The following ODAD2 variants were observed in gnomAD, a reference collection of about 807,000 sequenced individuals.
ODAD2 encodes the protein outer dynein arm docking complex subunit 2.
A neutral mutation model predicts 106.8 loss-of-function variants in ODAD2; 89 were observed. That is an observed-to-expected ratio of 0.83 (90% confidence interval 0.70 to 0.99). The LOEUF (loss-of-function observed/expected upper bound fraction) is 0.99, where lower values mean the gene tolerates loss of function less well. Ranked by LOEUF, ODAD2 falls within the 50% of genes least tolerant of loss-of-function variation. The pLI, the probability that ODAD2 is intolerant of heterozygous loss-of-function variation, is 0.00. For synonymous variants in ODAD2, 404 were observed against 436.2 expected (o/e 0.93, Z 0.92); for missense variants, 1,168 against 1,238.5 (o/e 0.94, Z 0.85).
intron 10 of ODAD2, chr10:27,958,807 A>C (rs1338681414): frequency 2.4e-6 from 3 of 1,258,550 alleles, no homozygotes; most frequent in African/African-American, 1.6e-5. Flanking sequence ...CCAATGAGGA[A>C]ACTGAAGCTT....
At chr10:27,918,802 C>CA (rs1183978731) in intron 16 of ODAD2, among the ~76,000 whole-genome samples, 27 of 144,728 alleles carry the variant, frequency 1.9e-4, no homozygotes, top group Admixed American at 7.6e-4. Flanking sequence ...ATGGTATCTA[C>CA]AAAAAAAATT....
chr10:27,820,423 G>A (rs1836509775), intron 19 of ODAD2, among the ~76,000 whole-genome samples: 1 of 151,936 alleles, frequency 6.6e-6, no homozygotes, highest in African/African-American at 2.4e-5. Flanking sequence ...TGGACTGTGA[G>A]TGTCAAGCAT....
intron 17 of ODAD2, among the ~76,000 whole-genome samples, chr10:27,895,442 C>A (rs1564476491): frequency 6.6e-6 from 1 of 152,188 alleles, no homozygotes; most frequent in Non-Finnish European, 1.5e-5. Context: ...CATGCGCCAC[C>A]AAGCCTAGCT....
intron 17 of ODAD2, among the ~76,000 whole-genome samples, chr10:27,864,142 G>A (rs957418340): frequency 1.3e-5 from 2 of 151,772 alleles, no homozygotes; most frequent in African/African-American, 4.8e-5. Flanking sequence ...GTGATGGTTT[G>A]GGGGAGGGTG....
chr10:27,899,431 A>G (rs1284000001), intron 17 of ODAD2, among the ~76,000 whole-genome samples: 1 of 151,546 alleles, frequency 6.6e-6, no homozygotes, highest in Non-Finnish European at 1.5e-5. Flanking sequence ...TTTTTTTCAT[A>G]CCCCAGTGGT....
chr10:27,983,634 A>C (rs532126143), intron 6 of ODAD2, among the ~76,000 whole-genome samples: 3 of 152,222 alleles, frequency 2.0e-5, no homozygotes, highest in Non-Finnish European at 4.4e-5. Context: ...ATTTCTTATC[A>C]GATTGGCTTA....
chr10:27,867,486 G>A (rs1840529317), intron 17 of ODAD2, among the ~76,000 whole-genome samples: 1 of 152,160 alleles, frequency 6.6e-6, no homozygotes, highest in South Asian at 2.1e-4. Flanking sequence ...GAGACACTGG[G>A]ATGAAGGACT....
chr10:27,818,782 T>C (rs533891218), intron 19 of ODAD2, among the ~76,000 whole-genome samples: 4 of 152,334 alleles, frequency 2.6e-5, no homozygotes, highest in African/African-American at 4.8e-5. Context: ...TGTTGCTTTT[T>C]AAATCTGGAA....
At chr10:27,995,483 T>C (rs1468439584) in intron 1 of ODAD2, among the ~76,000 whole-genome samples, 10 of 151,936 alleles carry the variant, frequency 6.6e-5, no homozygotes, top group African/African-American at 1.9e-4. Flanking sequence ...AATAGAAAAC[T>C]CCAAGAGTGG....
At chr10:27,879,852 C>A (rs1841584699) in intron 17 of ODAD2, among the ~76,000 whole-genome samples, 2 of 152,184 alleles carry the variant, frequency 1.3e-5, no homozygotes, top group South Asian at 4.1e-4. Context: ...TCCAAGCCAG[C>A]TGTCTGGTCT....
chr10:27,983,498 T>A (rs1437076978), intron 6 of ODAD2, among the ~76,000 whole-genome samples: 1 of 152,242 alleles, frequency 6.6e-6, no homozygotes, highest in East Asian at 1.9e-4. Flanking sequence ...CAAGCTGCAG[T>A]TATGACATCT....
chr10:27,938,275 G>T lies in ODAD2; in HGVS notation c.2098-1395C>A, dbSNP rs572847199. Among the ~76,000 whole-genome samples, 8 of 152,142 alleles carry T rather than the reference G, an allele frequency of 5.3e-5. No individual in the cohort carries two copies. In the East Asian group the frequency reaches 7.7e-4, roughly 15 times the overall value. On this transcript the variant is annotated intron_variant, in intron 14 of 19. Transcript: ENST00000305242. ...TATTTGGAGACAGAGTTTTTAAAGA[G>T]GTCATTAAGGCTAAATGGCCTCTTC... is the stretch of plus-strand genomic sequence containing the variant.
At chr10:27,997,197 C>T (rs1292210975) in intron 1 of ODAD2, among the ~76,000 whole-genome samples, 1 of 152,164 alleles carries the variant, frequency 6.6e-6, no homozygotes. Context: ...GTTTCTATTG[C>T]TAACCGATGA....
chr10:27,823,625 AT>A (rs1836788449), intron 19 of ODAD2, among the ~76,000 whole-genome samples: 1 of 152,188 alleles, frequency 6.6e-6, no homozygotes, highest in Non-Finnish European at 1.5e-5. Context: ...TGTTATTATT[AT>A]TACTCTTGTT....
At chr10:27,974,269 G>GTAAA (rs1849043896) in intron 7 of ODAD2, among the ~76,000 whole-genome samples, 1 of 152,068 alleles carries the variant, frequency 6.6e-6, no homozygotes, top group Admixed American at 6.6e-5. Flanking sequence ...GAAGCTCTGA[G>GTAAA]GTTTAATTAG....
In ODAD2 at chr10:27,882,808, G is replaced by C. The variant is rs142239206; in HGVS notation, c.2611-20186C>G. Among the ~76,000 whole-genome samples, 199 of 151,972 alleles carry C rather than the reference G, an allele frequency of 1.3e-3. 1 individual carries two copies. The highest frequency in any genetic ancestry group is 4.5e-3 in the African/African-American group (188 of 41,448). ...CTCCATTCTAAAAACTGCCTGTATG[G>C]CAATTCCTAGGAAAAGCACCAATCA... On this transcript the variant is annotated intron_variant, in intron 17 of 19. Coordinates refer to ENST00000305242, the MANE Select transcript of ODAD2 (RefSeq NM_018076.5).
chr10:27,858,624 T>C (rs141523836), intron 19 of ODAD2, among the ~76,000 whole-genome samples: 59 of 140,266 alleles, frequency 4.2e-4, no homozygotes, highest in African/African-American at 1.3e-3. Flanking sequence ...AGTTTCTCTT[T>C]ACAGAAACTT....
At chr10:27,916,085 G>T (rs371964018) in intron 16 of ODAD2, among the ~76,000 whole-genome samples, 1 of 152,132 alleles carries the variant, frequency 6.6e-6, no homozygotes, top group Non-Finnish European at 1.5e-5. Context: ...AACGCGGGAA[G>T]TCAGAACCCT....
intron 16 of ODAD2, among the ~76,000 whole-genome samples, chr10:27,913,264 C>T (rs558854845): frequency 5.9e-5 from 9 of 151,924 alleles, no homozygotes; most frequent in East Asian, 3.9e-4. Context: ...GGTAGTTTTT[C>T]GATCCTCACC....
Sources: allele counts gnomAD v4.1 joint callset (sites outside exome capture counted in the v4.1 genomes callset), GRCh38; gene constraint gnomAD v4.1.1; transcripts MANE v1.5; gene names NCBI Gene and HGNC (gene_info 2026-07-23, HGNC 2026-07-21).